The following GRID2 variants were observed in gnomAD, a reference collection of about 807,000 sequenced individuals.
GRID2 encodes glutamate receptor ionotropic, delta-2.
Under a neutral mutation model 114.8 loss-of-function variants are expected in GRID2, and 33 were observed. The observed-to-expected ratio is 0.29, with a 90% CI of 0.22 to 0.38. GRID2 has a LOEUF of 0.38. Among genes scored for constraint, GRID2 ranks in the 10% least tolerant of loss-of-function variants. The pLI is 1.00. For synonymous variants in GRID2, 505 were observed against 449.9 expected, an observed-to-expected ratio of 1.12 and a Z score of -1.55; for missense variants, 1,184 against 1,257.7, an observed-to-expected ratio of 0.94 and a Z score of 0.89.
intron 1 of GRID2, among the ~76,000 whole-genome samples, chr4:93,781,521 G>T (rs2110351007): frequency 6.6e-6 from 1 of 152,176 alleles, no homozygotes; most frequent in Admixed American, 6.5e-5. Flanking sequence ...CAGTGTCAGT[G>T]GGGGGTTGGT....
intron 2 of GRID2, among the ~76,000 whole-genome samples, chr4:92,964,151 T>G (rs1752989056): frequency 6.6e-6 from 1 of 151,972 alleles, no homozygotes; most frequent in Admixed American, 6.6e-5. Context: ...CTAGGATTTT[T>G]GGAAAAGTAA....
At chr4:93,060,602 C>G (rs1727691301) in intron 2 of GRID2, among the ~76,000 whole-genome samples, 1 of 152,010 alleles carries the variant, frequency 6.6e-6, no homozygotes, top group South Asian at 2.1e-4. Context: ...ATAGAAATAG[C>G]CAAAGAAGGC....
intron 1 of GRID2, among the ~76,000 whole-genome samples, chr4:92,430,066 T>A (rs2110339190): frequency 6.6e-6 from 1 of 152,268 alleles, no homozygotes; most frequent in Non-Finnish European, 1.5e-5. Context: ...TCTCTTCACT[T>A]TTTTGATTGT....
chr4:93,455,613 A>G, intron 10 of GRID2, 49 bp from the exon 11 acceptor site: 1 of 1,288,372 alleles, frequency 7.8e-7, no homozygotes, highest in Non-Finnish European at 1.1e-6. Flanking sequence ...GCACAAATGA[A>G]ATTGTTTTTC....
At chr4:92,422,187 G>A (rs1394294691) in intron 1 of GRID2, among the ~76,000 whole-genome samples, 1 of 152,022 alleles carries the variant, frequency 6.6e-6, no homozygotes, top group Non-Finnish European at 1.5e-5. Context: ...TACTGGCAGA[G>A]GGTAGGCAGC....
At chr4:93,344,439 A>AAAGCTG (rs1759981420) in intron 8 of GRID2, among the ~76,000 whole-genome samples, 1 of 151,716 alleles carries the variant, frequency 6.6e-6, no homozygotes, top group African/African-American at 2.4e-5. Context: ...CAGCTTTATT[A>AAAGCTG]AGGTAAAATT....
chr4:92,983,929 G>A (rs1210196975), intron 2 of GRID2, among the ~76,000 whole-genome samples: 1 of 152,136 alleles, frequency 6.6e-6, no homozygotes, highest in African/African-American at 2.4e-5. Context: ...GAAGAAAGAA[G>A]CAATAGCCTG....
At chr4:93,428,358 A>G (rs912850132) in intron 10 of GRID2, among the ~76,000 whole-genome samples, 2 of 152,120 alleles carry the variant, frequency 1.3e-5, no homozygotes. Context: ...TGACCCATGG[A>G]TATCTAAATT....
At chr4:93,638,512 T>A (rs1412271593) in intron 14 of GRID2, among the ~76,000 whole-genome samples, 1 of 27,760 alleles carries the variant, frequency 3.6e-5, no homozygotes, top group Non-Finnish European at 6.6e-5. Context: ...CCTGTGTCCA[T>A]GTGATCTCAT....
At chr4:93,591,865 T>C (rs1295939411) in intron 13 of GRID2, among the ~76,000 whole-genome samples, 1 of 152,238 alleles carries the variant, frequency 6.6e-6, no homozygotes, top group Non-Finnish European at 1.5e-5. Context: ...TAGTATTCTC[T>C]GATGGTAGTT....
chr4:92,723,403 A>G (rs1330120451), intron 2 of GRID2, among the ~76,000 whole-genome samples: 1 of 152,176 alleles, frequency 6.6e-6, no homozygotes, highest in Non-Finnish European at 1.5e-5. Context: ...ATGACAGTAT[A>G]TGTTGTAAGA....
rs146381918 is a variant in GRID2, at chr4:92,307,898, A to G, written c.88+3154A>G. Among the ~76,000 whole-genome samples, 8 of 152,292 alleles carry G rather than the reference A, an allele frequency of 5.3e-5. No individual in the cohort carries two copies. The East Asian group carries it at 1.5e-3, about 29-fold the overall frequency. On this transcript the variant is annotated intron_variant, in intron 1 of 15. Transcript: ENST00000282020. Reference sequence around the variant, plus strand: ...TGAATTATGCTTCTACTTTGAGCCTATGCATTGATTGAGTAATTTCATCAG... The same window carrying G: ...TGAATTATGCTTCTACTTTGAGCCTGTGCATTGATTGAGTAATTTCATCAG...
intron 2 of GRID2, among the ~76,000 whole-genome samples, chr4:92,938,172 C>A (rs535483759): frequency 1.1e-4 from 16 of 146,274 alleles, no homozygotes; most frequent in African/African-American, 3.4e-4. Context: ...GTTGAACCAC[C>A]CTGGTATTGC....
At chr4:92,467,565 TTC>T (rs1397517198) in intron 1 of GRID2, among the ~76,000 whole-genome samples, 1 of 151,982 alleles carries the variant, frequency 6.6e-6, no homozygotes, top group Non-Finnish European at 1.5e-5. Flanking sequence ...TCTTTCCACA[TTC>T]TCTTATTTCT....
intron 2 of GRID2, among the ~76,000 whole-genome samples, chr4:92,887,913 A>T (rs1746488568): frequency 6.6e-6 from 1 of 152,184 alleles, no homozygotes; most frequent in South Asian, 2.1e-4. Flanking sequence ...TCTCTCGCTA[A>T]TAATAGCTTC....
chr4:92,974,590 G>A (rs1753733436), intron 2 of GRID2, among the ~76,000 whole-genome samples: 1 of 151,858 alleles, frequency 6.6e-6, no homozygotes, highest in Non-Finnish European at 1.5e-5. Flanking sequence ...CACAAGATCA[G>A]AAAACCATCT....
intron 2 of GRID2, among the ~76,000 whole-genome samples, chr4:92,910,568 G>C (rs1368600194): frequency 6.6e-6 from 1 of 152,174 alleles, no homozygotes; most frequent in Non-Finnish European, 1.5e-5. Context: ...CTGAGGCTTT[G>C]TCAAGGGAGG....
chr4:92,447,798 A>T (rs995213234), intron 1 of GRID2, among the ~76,000 whole-genome samples: 7 of 152,144 alleles, frequency 4.6e-5, no homozygotes, highest in African/African-American at 1.7e-4. Flanking sequence ...TTATAAAAGG[A>T]CTAATTCCAG....
At chr4:92,600,044 G>GTGTGTATATATATATA (rs1206780169) in intron 2 of GRID2, among the ~76,000 whole-genome samples, 1 of 54,430 alleles carries the variant, frequency 1.8e-5, no homozygotes, top group Non-Finnish European at 3.4e-5. Flanking sequence ...GTGTGTGTGT[G>GTGTGTATATATATATA]TATATATATA....
Sources: gnomAD v4.1 joint callset for allele counts (sites outside exome capture counted in the v4.1 genomes callset) on GRCh38, gnomAD v4.1.1 for gene constraint, MANE v1.5 for transcripts, NCBI Gene and HGNC (gene_info 2026-07-23, HGNC 2026-07-21) for gene names.